The following PRDM5 variants were observed in gnomAD, a reference collection of about 807,000 sequenced individuals.
PRDM5 encodes the protein PR/SET domain 5.
Under a neutral mutation model 81.2 loss-of-function variants are expected in PRDM5, and 56 were observed. The ratio of observed to expected loss-of-function variants is 0.69; its 90% CI spans 0.56 to 0.86. The LOEUF is 0.86. Ranked by LOEUF, PRDM5 falls within the 40% of genes least tolerant of loss-of-function variation. The pLI is 0.00. For synonymous variants in PRDM5, 267 were observed against 256.4 expected, an observed-to-expected ratio of 1.04 and a Z score of -0.39; for missense variants, 697 against 770.1, an observed-to-expected ratio of 0.91 and a Z score of 1.12.
intron 2 of PRDM5, among the ~76,000 whole-genome samples, chr4:120,867,090 T>C (rs1029006733): frequency 2.0e-5 from 3 of 152,066 alleles, no homozygotes; most frequent in African/African-American, 7.2e-5. Context: ...AGGACCTAAG[T>C]CCTACAATCT....
chr4:120,791,481 T>C lies in PRDM5; in HGVS notation c.1189-6390A>G, dbSNP rs114768478. ...TTCCTCTTACACAAAAACATTAGTG[T>C]GAAATGCAAATGTTACTAAAGATTT... On this transcript the variant is annotated intron_variant, in intron 10 of 15. Transcript: ENST00000264808. 7.5e-3 allele frequency among the ~76,000 whole-genome samples: 1,139 copies of C among 152,294 alleles called. 12 individuals are homozygous for C. Among genetic ancestry groups the C allele is most frequent in the African/African-American group, 0.026 (1,062 of 41,562 alleles).
chr4:120,699,161 AATATATAT>A (rs70948358), intron 15 of PRDM5, among the ~76,000 whole-genome samples: 622 of 73,418 alleles, frequency 8.5e-3, no homozygotes, highest in African/African-American at 0.016. Context: ...AGGAAATATA[AATATATAT>A]ATATATATAT....
intron 15 of PRDM5, among the ~76,000 whole-genome samples, chr4:120,699,197 TATATA>T (rs1734993801): frequency 5.3e-5 from 4 of 75,848 alleles, no homozygotes; most frequent in Non-Finnish European, 1.3e-4. Context: ...TATATATATA[TATATA>T]TATTTCAGAT....
Position 120,922,506 on chromosome 4 carries a change from G to A in PRDM5, c.93+10C>T, listed in dbSNP as rs781305440. The A allele has an allele frequency of 6.3e-7, 1 of 1,591,896 alleles. No homozygotes were observed. Among genetic ancestry groups the A allele is most frequent in the Non-Finnish European group, 8.5e-7 (1 of 1,170,486 alleles). On this transcript the variant is annotated intron_variant, in intron 1 of 15. Transcript: ENST00000264808. ...TGCAGGGGCGCGCAGGCCGCCGCCGGGTCACCCACCTTTCGCACTCTGCGG... is the reference window on the plus strand; with the variant it reads ...TGCAGGGGCGCGCAGGCCGCCGCCGAGTCACCCACCTTTCGCACTCTGCGG...
At chr4:120,921,920 G>A (rs1197670344) in intron 1 of PRDM5, among the ~76,000 whole-genome samples, 1 of 152,160 alleles carries the variant, frequency 6.6e-6, no homozygotes, top group African/African-American at 2.4e-5. Context: ...CATCTGGTTG[G>A]CACCTCCCTG....
chr4:120,740,726 C>T (rs567940363), intron 14 of PRDM5, among the ~76,000 whole-genome samples: 1 of 152,180 alleles, frequency 6.6e-6, no homozygotes, highest in African/African-American at 2.4e-5. Context: ...GAATGGGCCT[C>T]CCTGACTCAA....
intron 10 of PRDM5, 68 bp downstream of exon 10, chr4:120,798,199 C>G: frequency 7.9e-7 from 1 of 1,266,798 alleles, no homozygotes. Context: ...AAAGCTTTAT[C>G]AAAAATAAAA....
At chr4:120,906,370 T>C (rs755430639) in intron 2 of PRDM5, among the ~76,000 whole-genome samples, 1 of 152,194 alleles carries the variant, frequency 6.6e-6, no homozygotes, top group Non-Finnish European at 1.5e-5. Context: ...CCAGGAGCAA[T>C]AGGCTATACC....
Position 120,706,973 on chromosome 4 carries a change from T to A in PRDM5, c.1728+3336A>T, listed in dbSNP as rs560121250. Among the ~76,000 whole-genome samples the A allele has an allele frequency of 2.0e-5, 3 of 147,794 alleles. No individual in the cohort carries two copies. In the South Asian group the frequency reaches 6.3e-4, roughly 31 times the overall value. ...GTCCAGGATCAGGTGGCTTCACTGA[T>A]AAATGCTACCAAACATTTAAAGAAG... is the stretch of plus-strand genomic sequence containing the variant. On this transcript the variant is annotated intron_variant, in intron 15 of 15. Coordinates refer to ENST00000264808, the MANE Select transcript of PRDM5 (RefSeq NM_018699.4).
chr4:120,685,146 T>A (rs1214421113), intron 1 of PRDM5: 1 of 152,072 alleles, frequency 6.6e-6, no homozygotes, highest in Admixed American at 6.6e-5. Flanking sequence ...TTCATTTTGA[T>A]ATGAGCTATA....
intron 3 of PRDM5, among the ~76,000 whole-genome samples, chr4:120,830,108 AT>A (rs1756524285): frequency 6.6e-6 from 1 of 152,092 alleles, no homozygotes; most frequent in African/African-American, 2.4e-5. Flanking sequence ...CACAAAATGT[AT>A]CTATAATCCA....
At chr4:120,894,015 T>C (rs76372976) in intron 2 of PRDM5, among the ~76,000 whole-genome samples, 6,230 of 152,286 alleles carry the variant, frequency 0.041, 419 homozygotes, top group African/African-American at 0.14. Flanking sequence ...ACTTAGTCCA[T>C]TTAAATTTAG....
At chr4:120,738,187 T>C (rs1190528568) in intron 14 of PRDM5, among the ~76,000 whole-genome samples, 1 of 152,208 alleles carries the variant, frequency 6.6e-6, no homozygotes, top group African/African-American at 2.4e-5. Flanking sequence ...CACCCACGCT[T>C]GAGTTTGCCA....
chr4:120,751,836 G>T (rs1003635812), intron 14 of PRDM5, among the ~76,000 whole-genome samples: 11 of 152,160 alleles, frequency 7.2e-5, no homozygotes, highest in East Asian at 3.9e-4. Flanking sequence ...AAACCTGGGG[G>T]TATAGGCCTG....
intron 2 of PRDM5, among the ~76,000 whole-genome samples, chr4:120,872,739 G>A (rs780434206): frequency 3.3e-5 from 5 of 152,120 alleles, no homozygotes; most frequent in Non-Finnish European, 5.9e-5. Flanking sequence ...GGGTGACACA[G>A]TGAGACCCTG....
chr4:120,743,977 AT>A (rs940091516), intron 14 of PRDM5, among the ~76,000 whole-genome samples: 4 of 152,070 alleles, frequency 2.6e-5, no homozygotes, highest in East Asian at 3.9e-4. Context: ...CAGAATATAC[AT>A]TTTTTTCAGC....
intron 14 of PRDM5, among the ~76,000 whole-genome samples, chr4:120,726,957 A>C (rs1739504924): frequency 1.3e-5 from 2 of 152,204 alleles, no homozygotes; most frequent in South Asian, 4.1e-4. Flanking sequence ...CAGTATTTAA[A>C]AAAATTTAAA....
intron 11 of PRDM5, among the ~76,000 whole-genome samples, 167 bp from the exon 12 acceptor site, chr4:120,781,470 C>T (rs986223797): frequency 2.6e-5 from 4 of 152,306 alleles, no homozygotes; most frequent in Non-Finnish European, 5.9e-5. Context: ...TGCTAATTCA[C>T]TGTGTGACTA....
At chr4:120,702,395 T>C (rs895947856) in intron 15 of PRDM5, among the ~76,000 whole-genome samples, 19 of 152,216 alleles carry the variant, frequency 1.2e-4, no homozygotes, top group Non-Finnish European at 2.6e-4. Flanking sequence ...CTACTCATCC[T>C]TAGGAAGCCC....
Sources: allele counts gnomAD v4.1 joint callset (sites outside exome capture counted in the v4.1 genomes callset), GRCh38; gene constraint gnomAD v4.1.1; transcripts MANE v1.5; gene names NCBI Gene and HGNC (gene_info 2026-07-23, HGNC 2026-07-21).